NEK7: variants seen among roughly 807,000 people sequenced by gnomAD.
NEK7 encodes the protein NIMA related kinase 7.
Under a neutral mutation model 44.6 loss-of-function variants are expected in NEK7, and 18 were observed. The observed-to-expected ratio is 0.40, with a 90% CI of 0.28 to 0.60. NEK7 has a LOEUF of 0.60. Among genes scored for constraint, NEK7 ranks in the 20% least tolerant of loss-of-function variants. NEK7 has a pLI of 0.38. For missense variants in NEK7, 256 were observed against 366.5 expected, an observed-to-expected ratio of 0.70 and a Z score of 2.46; for synonymous variants, 130 against 121.1, an observed-to-expected ratio of 1.07 and a Z score of -0.48.
At chr1:198,295,901 T>A (rs1416444923) in intron 8 of NEK7, among the ~76,000 whole-genome samples, 1 of 145,990 alleles carries the variant, frequency 6.8e-6, no homozygotes. Flanking sequence ...TTCAGATTGT[T>A]TTTAACTTTT....
At chr1:198,210,198 G>A (rs1665721786) in intron 1 of NEK7, among the ~76,000 whole-genome samples, 2 of 152,104 alleles carry the variant, frequency 1.3e-5, no homozygotes, top group African/African-American at 4.8e-5. Flanking sequence ...GGGTTCAAGT[G>A]ATCCTCCTGC....
At chr1:198,226,531 C>T (rs1207268700) in intron 1 of NEK7, among the ~76,000 whole-genome samples, 3 of 149,370 alleles carry the variant, frequency 2.0e-5, no homozygotes, top group Non-Finnish European at 4.4e-5. Flanking sequence ...GGCGACACAG[C>T]GATATTGCGT....
rs11389228 is a variant in NEK7 at position 198,209,153 on chromosome 1, CTT to C, written c.-28-23386_-28-23385del. Among the ~76,000 whole-genome samples the C allele has an allele frequency of 5.4e-4, 74 of 137,288 alleles. 1 individual carries two copies. The highest frequency in any genetic ancestry group is 1.7e-3 in the African/African-American group (61 of 36,788). The allele number at this position is 137,288 out of a possible 152,430, so 90.1% of individuals were successfully genotyped here. A position where few individuals can be genotyped will look rare whatever the true frequency, so the allele number is the denominator to read the frequency against. On this transcript the variant is annotated intron_variant, in intron 1 of 9. Transcript: ENST00000367385. ...ACACATATGTATGTGTATATATATA[CTT>C]TTTTTTTTTTTTTGGTAAAACTCTC...
chr1:198,263,210 A>G (rs1457844723), intron 4 of NEK7, among the ~76,000 whole-genome samples: 1 of 151,896 alleles, frequency 6.6e-6, no homozygotes, highest in Non-Finnish European at 1.5e-5. Flanking sequence ...TTGTATTTTT[A>G]ACTTTTAGTT....
chr1:198,172,334 A>T (rs1264067976), intron 1 of NEK7, among the ~76,000 whole-genome samples: 1 of 152,206 alleles, frequency 6.6e-6, no homozygotes, highest in African/African-American at 2.4e-5. Flanking sequence ...GACTCTTTGG[A>T]CACTTAATTT....
intron 9 of NEK7, among the ~76,000 whole-genome samples, chr1:198,317,499 T>C (rs764671101): frequency 6.6e-6 from 1 of 152,236 alleles, no homozygotes; most frequent in Admixed American, 6.5e-5. Flanking sequence ...ATTATATCTC[T>C]AATCTTGGTT....
At chr1:198,299,752 A>G (rs1019080213) in intron 9 of NEK7, among the ~76,000 whole-genome samples, 1 of 152,190 alleles carries the variant, frequency 6.6e-6, no homozygotes, top group Non-Finnish European at 1.5e-5. Flanking sequence ...TACTAGCCAT[A>G]CCTGCCAGTC....
At chr1:198,257,496 G>A (rs922024264) in intron 3 of NEK7, among the ~76,000 whole-genome samples, 7 of 152,052 alleles carry the variant, frequency 4.6e-5, no homozygotes, top group Non-Finnish European at 8.8e-5. Flanking sequence ...TAATATATTC[G>A]TAACCTCTGT....
intron 2 of NEK7, among the ~76,000 whole-genome samples, chr1:198,236,463 T>C (rs1421502945): frequency 6.6e-6 from 1 of 152,210 alleles, no homozygotes. Flanking sequence ...AGCCTAATGC[T>C]GCTCAGCAAT....
intron 1 of NEK7, among the ~76,000 whole-genome samples, chr1:198,196,108 A>G (rs551673636): frequency 3.9e-5 from 6 of 152,322 alleles, no homozygotes; most frequent in Non-Finnish European, 8.8e-5. Context: ...ATCCATTACT[A>G]TATTCTAGGA....
intron 1 of NEK7, among the ~76,000 whole-genome samples, chr1:198,219,838 T>TTAC (rs1666034436): frequency 6.6e-6 from 1 of 150,968 alleles, no homozygotes; most frequent in South Asian, 2.1e-4. Flanking sequence ...ACTGGTGATG[T>TTAC]TAACTTTTGA....
Position 198,232,651 on chromosome 1 carries a change from A to C in NEK7, c.57+14A>C, listed in dbSNP as rs1319101964. 4.7e-6 allele frequency: 7 copies of C among 1,503,172 alleles called. No homozygotes were observed. The African/African-American group carries it at 8.3e-5, about 18-fold the overall frequency. 93.1% of individuals were successfully genotyped at this position (1,503,172 alleles called of 1,614,324 possible). A position where few individuals can be genotyped will look rare whatever the true frequency, so the allele number is the denominator to read the frequency against. On this transcript the variant is annotated intron_variant, in intron 2 of 9. Transcript: ENST00000367385. ...TTCCAACCACAGGTAATTTATCCTA[A>C]TTAAGATGGGCAGAACTATATATAA...
intron 1 of NEK7, 68 bp from the exon 2 acceptor site, chr1:198,232,485 G>C (rs1057269213): frequency 1.4e-6 from 1 of 726,544 alleles, no homozygotes; most frequent in African/African-American, 1.8e-5. Flanking sequence ...TGCATGTGTC[G>C]GTGTATGATG....
At chr1:198,209,594 C>T (rs1280875831) in intron 1 of NEK7, among the ~76,000 whole-genome samples, 2 of 152,040 alleles carry the variant, frequency 1.3e-5, no homozygotes, top group African/African-American at 4.8e-5. Flanking sequence ...TTTTTCATTT[C>T]ACATTATATT....
chr1:198,260,354 A>G (rs1412681490), intron 3 of NEK7, among the ~76,000 whole-genome samples: 2 of 151,830 alleles, frequency 1.3e-5, no homozygotes, highest in Non-Finnish European at 2.9e-5. Flanking sequence ...TAGCTAAAAC[A>G]TATCTTACTA....
intron 7 of NEK7, among the ~76,000 whole-genome samples, 182 bp from the exon 8 acceptor site, chr1:198,292,763 A>G (rs994036914): frequency 6.6e-6 from 1 of 151,946 alleles, no homozygotes; most frequent in Non-Finnish European, 1.5e-5. Context: ...TTAGTGTACT[A>G]TTTAAGGGTC....
intron 1 of NEK7, among the ~76,000 whole-genome samples, chr1:198,230,161 C>G (rs1440681015): frequency 6.6e-6 from 1 of 152,120 alleles, no homozygotes; most frequent in Admixed American, 6.6e-5. Flanking sequence ...GACCAGGAAA[C>G]TTTTTCTTTT....
chr1:198,233,462 C>G (rs193006061), intron 2 of NEK7, among the ~76,000 whole-genome samples: 7 of 152,280 alleles, frequency 4.6e-5, no homozygotes, highest in Admixed American at 4.6e-4. Flanking sequence ...GACTATATTT[C>G]TCAGCTTGGT....
At chr1:198,262,137 A>G (rs1192495293) in intron 3 of NEK7, among the ~76,000 whole-genome samples, 7 of 151,818 alleles carry the variant, frequency 4.6e-5, no homozygotes, top group Admixed American at 2.0e-4. Flanking sequence ...TGCTCTGTTG[A>G]TTAGCTGTGT....
Sources: allele counts gnomAD v4.1 joint callset (sites outside exome capture counted in the v4.1 genomes callset), GRCh38; gene constraint gnomAD v4.1.1; transcripts MANE v1.5; gene names NCBI Gene and HGNC (gene_info 2026-07-23, HGNC 2026-07-21).